NKAIN2: variants seen among roughly 807,000 people sequenced by gnomAD.
NKAIN2 encodes the protein sodium/potassium transporting ATPase interacting 2, also known as sodium/potassium-transporting ATPase subunit beta-1-interacting protein 2.
NKAIN2 carries 14 observed loss-of-function variants against 32.6 expected under a neutral mutation model. The observed-to-expected ratio is 0.43, with a 90% CI of 0.28 to 0.67. The LOEUF (loss-of-function observed/expected upper bound fraction) is 0.67. NKAIN2 is among the 30% of genes least tolerant of loss of function. The pLI is 0.17. For missense variants in NKAIN2, 198 were observed against 258.3 expected (o/e 0.77, Z 1.60); for synonymous variants, 80 against 87.2 (o/e 0.92, Z 0.46).
intron 3 of NKAIN2, among the ~76,000 whole-genome samples, chr6:124,378,719 G>A (rs1800095171): frequency 6.6e-6 from 1 of 152,010 alleles, no homozygotes; most frequent in African/African-American, 2.4e-5. Context: ...TTCCTGGATG[G>A]TGGGGAAGAG....
intron 1 of NKAIN2, among the ~76,000 whole-genome samples, chr6:124,094,231 G>T (rs1784553744): frequency 6.6e-6 from 1 of 152,104 alleles, no homozygotes; most frequent in South Asian, 2.1e-4. Flanking sequence ...GAGAATTAGA[G>T]ATTTGTTCTC....
At chr6:124,347,790 G>A (rs1798507064) in intron 2 of NKAIN2, among the ~76,000 whole-genome samples, 1 of 152,094 alleles carries the variant, frequency 6.6e-6, no homozygotes, top group Non-Finnish European at 1.5e-5. Flanking sequence ...ATTTCCTCCT[G>A]TAGCTCGGAG....
At chr6:124,412,662 C>T (rs1774257530) in intron 3 of NKAIN2, among the ~76,000 whole-genome samples, 1 of 152,194 alleles carries the variant, frequency 6.6e-6, no homozygotes, top group Admixed American at 6.5e-5. Context: ...TCTCAGATCT[C>T]AAGCTGCGTG....
At chr6:124,234,003 A>T (rs991323859) in intron 1 of NKAIN2, among the ~76,000 whole-genome samples, 12 of 152,098 alleles carry the variant, frequency 7.9e-5, no homozygotes, top group African/African-American at 2.7e-4. Flanking sequence ...GGCTTTGTAG[A>T]TCATTCCCTT....
At chr6:124,208,813 A>G (rs1471543215) in intron 1 of NKAIN2, among the ~76,000 whole-genome samples, 1 of 151,372 alleles carries the variant, frequency 6.6e-6, no homozygotes, top group Non-Finnish European at 1.5e-5. Flanking sequence ...TATTTATTTA[A>G]AACTTTTATT....
intron 1 of NKAIN2, among the ~76,000 whole-genome samples, chr6:123,932,560 G>T (rs1582801201): frequency 6.6e-6 from 1 of 151,780 alleles, no homozygotes; most frequent in African/African-American, 2.4e-5. Context: ...GGGACTACAG[G>T]TGTCCGCCAA....
chr6:124,286,292 A>G (rs949571542), intron 2 of NKAIN2, among the ~76,000 whole-genome samples: 3 of 152,080 alleles, frequency 2.0e-5, no homozygotes, highest in African/African-American at 7.2e-5. Flanking sequence ...TTTCTATTAT[A>G]TTAAATAATT....
chr6:124,381,474 T>C (rs1173736899), intron 3 of NKAIN2, among the ~76,000 whole-genome samples: 1 of 152,134 alleles, frequency 6.6e-6, no homozygotes, highest in Non-Finnish European at 1.5e-5. Flanking sequence ...TAAGAACCAA[T>C]GTATGAGAAA....
intron 1 of NKAIN2, among the ~76,000 whole-genome samples, chr6:123,856,122 TTGTA>T: frequency 6.6e-6 from 1 of 152,334 alleles, no homozygotes; most frequent in Admixed American, 6.5e-5. Context: ...GCTGTCAAAT[TTGTA>T]TGGCCTGTTT....
chr6:124,295,971 T>C (rs1179425321), intron 2 of NKAIN2, among the ~76,000 whole-genome samples: 1 of 152,102 alleles, frequency 6.6e-6, no homozygotes, highest in African/African-American at 2.4e-5. Context: ...TTCATTATAG[T>C]AAAAAAGACT....
At chr6:124,487,717 A>C (rs1777707795) in intron 3 of NKAIN2, among the ~76,000 whole-genome samples, 1 of 152,072 alleles carries the variant, frequency 6.6e-6, no homozygotes, top group African/African-American at 2.4e-5. Context: ...CCTGTTTAGA[A>C]GCAAATGAAG....
chr6:124,120,271 C>T (rs918059132), intron 1 of NKAIN2, among the ~76,000 whole-genome samples: 4 of 152,108 alleles, frequency 2.6e-5, no homozygotes, highest in African/African-American at 9.7e-5. Flanking sequence ...GGTTTGGAAA[C>T]AATGCTCTTT....
At chr6:124,623,188 C>T (rs1209931210) in intron 3 of NKAIN2, among the ~76,000 whole-genome samples, 1 of 152,140 alleles carries the variant, frequency 6.6e-6, no homozygotes, top group Non-Finnish European at 1.5e-5. Flanking sequence ...CATCATTCAA[C>T]CCACTGTAAT....
intron 1 of NKAIN2, chr6:123,828,805 T>A (rs544857830): frequency 2.6e-5 from 4 of 152,472 alleles, no homozygotes; most frequent in South Asian, 2.1e-4. Flanking sequence ...TTACCCCCCC[T>A]TACCCCAGCT....
Position 124,584,428 on chromosome 6 carries a change from G to A in NKAIN2, c.274-73758G>A, listed in dbSNP as rs190834239. ...ACACTTTGGGAGGCTGAGGCACATG[G>A]ATCACCTGAGGTCAGGAGTTCGAGA... On this transcript the variant is annotated intron_variant, in intron 3 of 6. Coordinates refer to ENST00000368417, the MANE Select transcript of NKAIN2 (RefSeq NM_001040214.3). Among the ~76,000 whole-genome samples the A allele has an allele frequency of 7.2e-5, 11 of 152,194 alleles. No individual in the cohort carries two copies. In the East Asian group the frequency reaches 2.1e-3, roughly 29 times the overall value.
At chr6:124,769,098 T>C (rs1277623991) in intron 4 of NKAIN2, among the ~76,000 whole-genome samples, 1 of 152,228 alleles carries the variant, frequency 6.6e-6, no homozygotes, top group Non-Finnish European at 1.5e-5. Context: ...CTTCATTTAA[T>C]TCAGGTCGAT....
intron 1 of NKAIN2, among the ~76,000 whole-genome samples, chr6:124,180,452 A>G (rs1383550399): frequency 1.3e-5 from 2 of 152,050 alleles, no homozygotes; most frequent in African/African-American, 4.8e-5. Flanking sequence ...CTATGATTCA[A>G]TTACCTCCCA....
At chr6:124,669,527 C>T (rs1308675020) in intron 4 of NKAIN2, among the ~76,000 whole-genome samples, 1 of 151,994 alleles carries the variant, frequency 6.6e-6, no homozygotes, top group Non-Finnish European at 1.5e-5. Context: ...GCAGTGAGGA[C>T]TGGCCCATGT....
chr6:123,964,285 T>C lies in NKAIN2; in HGVS notation c.54+160031T>C, dbSNP rs760917474. On this transcript the variant is annotated intron_variant, in intron 1 of 6. Coordinates refer to ENST00000368417, the MANE Select transcript of NKAIN2 (RefSeq NM_001040214.3). This position sits in a 1 kb window ranked among gnomAD's most constrained non-coding sequence, Gnocchi z 4.0. Reference sequence around the variant, plus strand: ...ATAAGTCAGCATTTCATTTTTCTTATACAGCTCCCTGTTCATCCCCTGATT... The same window carrying C: ...ATAAGTCAGCATTTCATTTTTCTTACACAGCTCCCTGTTCATCCCCTGATT... 2.2e-4 allele frequency among the ~76,000 whole-genome samples: 33 copies of C among 152,332 alleles called. No homozygotes were observed. The highest frequency in any genetic ancestry group is 5.9e-4 in the Admixed American group (9 of 15,296).
Sources: gnomAD v4.1 joint callset for allele counts (sites outside exome capture counted in the v4.1 genomes callset) on GRCh38, gnomAD v4.1.1 for gene constraint, Gnocchi (gnomAD v3.1) non-coding constraint, MANE v1.5 for transcripts, NCBI Gene and HGNC (gene_info 2026-07-23, HGNC 2026-07-21) for gene names.